Variants in GNAI2 observed in about 807,000 individuals in gnomAD.
The protein encoded by GNAI2 is G protein subunit alpha i2.
A neutral mutation model predicts 36.8 loss-of-function variants in GNAI2; 4 were observed. The observed-to-expected ratio is 0.11, with a 90% CI of 0.05 to 0.25. GNAI2 has a LOEUF of 0.25. Among genes scored for constraint, GNAI2 ranks in the 10% least tolerant of loss-of-function variants. The pLI is 1.00. For missense variants in GNAI2, 230 were observed against 481.3 expected, an observed-to-expected ratio of 0.48 and a Z score of 4.89; for synonymous variants, 194 against 194.1, an observed-to-expected ratio of 1.00 and a Z score of 0.01.
upstream of GNAI2, among the ~76,000 whole-genome samples, chr3:50,232,365 T>C (rs1349675306): frequency 1.3e-5 from 2 of 152,134 alleles, no homozygotes; most frequent in African/African-American, 4.8e-5. Flanking sequence ...CACCTCACCC[T>C]TATTGAGGGC....
At chr3:50,245,905 G>A (rs1213695135) in intron 1 of GNAI2, among the ~76,000 whole-genome samples, 4 of 152,260 alleles carry the variant, frequency 2.6e-5, no homozygotes, top group African/African-American at 9.6e-5. Flanking sequence ...GTGAACCCCT[G>A]GAAGCCGCTG....
Position 50,242,374 on chromosome 3 carries a change from A to G in GNAI2, c.118+5921A>G, listed in dbSNP as rs587639631. Among the ~76,000 whole-genome samples, 506 of 152,232 alleles carry G rather than the reference A, an allele frequency of 3.3e-3. 3 individuals carry two copies. The highest frequency in any genetic ancestry group is 0.012 in the African/African-American group (493 of 41,538). On this transcript the variant is annotated intron_variant, in intron 1 of 8. Transcript: ENST00000313601. This position sits in a 1 kb window ranked among gnomAD's most constrained non-coding sequence, Gnocchi z 4.8. ...GCCAGGAATCCCAGCCTAGGAGTTGAGCGAGGAGGGGAAGGGGTCAGCAGG... is the reference window on the plus strand; with the variant it reads ...GCCAGGAATCCCAGCCTAGGAGTTGGGCGAGGAGGGGAAGGGGTCAGCAGG...
In GNAI2 at chr3:50,252,521, G is replaced by A; in HGVS notation, c.286G>A (p.Ala96Thr). Residue 96 changes from alanine to threonine, a missense_variant, in exon 3 of 9, where the codon GCC becomes ACC. Ala to Thr is a moderately conservative substitution (Grantham distance 58). Transcript: ENST00000313601. This position sits in a 1 kb window ranked among gnomAD's most constrained non-coding sequence, Gnocchi z 4.1. ...CATGGGCAACCTGCAGATCGACTTT[G>A]CCGACCCCTCCAGAGCGGTATGTGC... is the stretch of plus-strand genomic sequence containing the variant. Reference protein sequence around the residue: ...KAMGNLQIDFADPSRADDARQ... With the variant: ...KAMGNLQIDFTDPSRADDARQ... The A allele has an allele frequency of 1.2e-6, 2 of 1,613,444 alleles. No homozygotes were observed. Among genetic ancestry groups the A allele is most frequent in the Non-Finnish European group, 1.7e-6 (2 of 1,179,788 alleles).
At chr3:50,257,418 C>T in intron 7 of GNAI2, 82 bp from the exon 8 acceptor site, 1 of 928,846 alleles carries the variant, frequency 1.1e-6, no homozygotes. Context: ...TGGCCGTCCA[C>T]ACGCACAGAC....
Position 50,242,505 on chromosome 3 carries a change from C to G in GNAI2, c.118+6052C>G, listed in dbSNP as rs1700320194. Among the ~76,000 whole-genome samples, 1 of 152,122 alleles carries G rather than the reference C, an allele frequency of 6.6e-6. No homozygotes were observed. Among genetic ancestry groups the G allele is most frequent in the Non-Finnish European group, 1.5e-5 (1 of 68,002 alleles). ...TTGATGGTGTCCCTGGTACCTGATG[C>G]TCTCAGGCAGCCCTTCCCTCAGCTA... On this transcript the variant is annotated intron_variant, in intron 1 of 8. Coordinates refer to ENST00000313601, the MANE Select transcript of GNAI2 (RefSeq NM_002070.4). The surrounding 1 kb of genome is among the most constrained non-coding windows in gnomAD (Gnocchi z 4.8).
At chr3:50,245,361 T>G (rs587617560) in intron 1 of GNAI2, among the ~76,000 whole-genome samples, 1 of 152,332 alleles carries the variant, frequency 6.6e-6, no homozygotes, top group South Asian at 2.1e-4. Flanking sequence ...TGGCTTGGGT[T>G]GGGCCCTGAG....
chr3:50,248,105 C>T (rs1321823863), intron 1 of GNAI2, among the ~76,000 whole-genome samples: 1 of 152,200 alleles, frequency 6.6e-6, no homozygotes, highest in Non-Finnish European at 1.5e-5. Context: ...CGTGGTGGCA[C>T]ATGCCTGTAG....
upstream of GNAI2, chr3:50,229,839 GGT>G (rs1455248368): frequency 6.6e-6 from 1 of 152,384 alleles, no homozygotes; most frequent in Non-Finnish European, 1.5e-5. Flanking sequence ...CTGTTTGTTT[GGT>G]GTGTGTTCCT....
upstream of GNAI2, among the ~76,000 whole-genome samples, chr3:50,232,226 G>T (rs1435019112): frequency 6.6e-6 from 1 of 152,050 alleles, no homozygotes; most frequent in Non-Finnish European, 1.5e-5. Flanking sequence ...GCTACTTGGG[G>T]AGCTGAGGCA....
chr3:50,249,258 G>T (rs1287077268), intron 1 of GNAI2, among the ~76,000 whole-genome samples: 1 of 152,168 alleles, frequency 6.6e-6, no homozygotes, highest in African/African-American at 2.4e-5. Context: ...ACTGGCTCCT[G>T]GTTCTTCCTC....
In GNAI2 at chr3:50,252,946, C is replaced by T. The variant is rs1359134518; in HGVS notation, c.304-78C>T. On this transcript the variant is annotated intron_variant, in intron 3 of 8. Coordinates refer to ENST00000313601, the MANE Select transcript of GNAI2 (RefSeq NM_002070.4). This position sits in a 1 kb window ranked among gnomAD's most constrained non-coding sequence, Gnocchi z 4.1. ...TCCAAGAATACCCTAGCCTGGGCCC[C>T]ATTCCAGAGGTCTCCCTGCCTCTGG... 3 of 1,184,892 alleles carry T rather than the reference C, an allele frequency of 2.5e-6. No individual in the cohort carries two copies. Among genetic ancestry groups the T allele is most frequent in the African/African-American group, 3.0e-5 (2 of 65,986 alleles). The allele number at this position is 1,184,892 out of a possible 1,614,324, so 73.4% of individuals were successfully genotyped here.
chr3:50,227,192 G>A (rs1699990013), upstream of GNAI2: 9 of 1,430,124 alleles, frequency 6.3e-6, no homozygotes, highest in Non-Finnish European at 8.3e-6. This position sits in a 1 kb window ranked among gnomAD's most constrained non-coding sequence, Gnocchi z 5.9. Context: ...GACGTTCTGA[G>A]GGTAAGCCGA....
chr3:50,246,837 A>G (rs1274694407), intron 1 of GNAI2: 1 of 1,251,118 alleles, frequency 8.0e-7, no homozygotes, highest in Non-Finnish European at 1.1e-6. Context: ...GCTGTGTAGG[A>G]GTGCCGGGTT....
At chr3:50,254,911 G>A (rs1040883143) in intron 4 of GNAI2, among the ~76,000 whole-genome samples, 2 of 152,186 alleles carry the variant, frequency 1.3e-5, no homozygotes, top group African/African-American at 2.4e-5. Flanking sequence ...GCCCCTCTTC[G>A]CAGCAACCCT....
chr3:50,239,176 G>T (rs184954510), intron 1 of GNAI2, among the ~76,000 whole-genome samples: 50 of 152,324 alleles, frequency 3.3e-4, no homozygotes, highest in African/African-American at 9.9e-4. Flanking sequence ...TGTATGTGAG[G>T]GGGGAGAGTC....
At chr3:50,251,447 C>A in intron 1 of GNAI2, 1 of 1,052,424 alleles carries the variant, frequency 9.5e-7, no homozygotes, top group South Asian at 2.6e-5. Context: ...GTGAGATACG[C>A]CGCAGGTCTC....
At position 50,258,699 on chromosome 3, in the gene GNAI2, G is replaced by T; in HGVS notation, c.*356G>T. 2 of 352,568 alleles carry T rather than the reference G, an allele frequency of 5.7e-6. No individual in the cohort carries two copies. The highest frequency in any genetic ancestry group is 4.5e-5 in the South Asian group (2 of 44,930). 21.8% of individuals were successfully genotyped at this position (352,568 alleles called of 1,614,324 possible). A position where few individuals can be genotyped will look rare whatever the true frequency, so the allele number is the denominator to read the frequency against. On this transcript the variant is annotated 3_prime_UTR_variant, in exon 9 of 9. Coordinates refer to ENST00000313601, the MANE Select transcript of GNAI2 (RefSeq NM_002070.4). ...GAGGGGCCCCTGCTTCTCCAGCCTG[G>T]ACCCCCAGCTTTGCCCAACACCAGC...
upstream of GNAI2, among the ~76,000 whole-genome samples, chr3:50,231,930 T>A (rs974247058): frequency 6.6e-6 from 1 of 151,858 alleles, no homozygotes; most frequent in African/African-American, 2.4e-5. Context: ...GGCACAGTGG[T>A]TCATGCCTGT....
At chr3:50,247,582 G>T (rs1553701903) in intron 1 of GNAI2, among the ~76,000 whole-genome samples, 2 of 152,238 alleles carry the variant, frequency 1.3e-5, no homozygotes, top group African/African-American at 4.8e-5. Context: ...GTTCACGCAG[G>T]TGGAGTGGTA....
Sources: gnomAD v4.1 joint callset for allele counts (sites outside exome capture counted in the v4.1 genomes callset) on GRCh38, gnomAD v4.1.1 for gene constraint, Gnocchi (gnomAD v3.1) non-coding constraint, MANE v1.5 for transcripts, NCBI Gene and HGNC (gene_info 2026-07-23, HGNC 2026-07-21) for gene names.